The following MAP3K7CL variants were observed in gnomAD, a reference collection of about 807,000 sequenced individuals.
MAP3K7CL encodes MAP3K7 C-terminal-like protein.
MAP3K7CL carries 16 observed loss-of-function variants against 18.6 expected under a neutral mutation model. That is an observed-to-expected ratio of 0.86 (90% CI 0.58 to 1.31). The LOEUF is 1.31. MAP3K7CL is among the 50% of genes most tolerant of loss of function. The probability of loss-of-function intolerance (pLI) is 0.00; values close to 1 mark genes in which losing one functional copy is unlikely to be tolerated. For synonymous variants in MAP3K7CL, 65 were observed against 66.8 expected (o/e 0.97, Z 0.13); for missense variants, 163 against 174.4 (o/e 0.93, Z 0.37).
chr21:29,100,957 C>G (rs1318448833), intron 4 of MAP3K7CL, among the ~76,000 whole-genome samples: 1 of 151,424 alleles, frequency 6.6e-6, no homozygotes, highest in Admixed American at 6.6e-5. Context: ...CGTGATCCGC[C>G]CGCCTCGGCC....
chr21:29,165,227 A>AT, intron 4 of MAP3K7CL, among the ~76,000 whole-genome samples: 1 of 152,220 alleles, frequency 6.6e-6, no homozygotes, highest in Non-Finnish European at 1.5e-5. Context: ...GGTATGAAAT[A>AT]TTGTATTGGG....
At chr21:29,089,445 C>T (rs569450030) in intron 1 of MAP3K7CL, among the ~76,000 whole-genome samples, 60 of 152,122 alleles carry the variant, frequency 3.9e-4, no homozygotes, top group South Asian at 1.2e-3. Flanking sequence ...CGTATTTGTG[C>T]CCTTGTGAAC....
upstream of MAP3K7CL, among the ~76,000 whole-genome samples, chr21:29,083,950 TTATAA>T (rs1411264305): frequency 3.4e-5 from 5 of 147,548 alleles, no homozygotes; most frequent in African/African-American, 4.9e-5. Context: ...TCATTTAATA[TTATAA>T]TATATAATAT....
At position 29,125,049 on chromosome 21, in the gene MAP3K7CL, A is replaced by G. The variant is rs537701507; in HGVS notation, c.371-24140A>G. On this transcript the variant is annotated intron_variant, in intron 4 of 6. Transcript: ENST00000286791. ...CACAGCTTTTGAATGCAGCATCACA[A>G]TGCAAACCCAGGTCTTCTGAATCTA... 3.9e-5 allele frequency among the ~76,000 whole-genome samples: 6 copies of G among 152,328 alleles called. No individual in the cohort carries two copies. The East Asian group carries it at 7.7e-4, about 20-fold the overall frequency.
intron 4 of MAP3K7CL, among the ~76,000 whole-genome samples, chr21:29,162,546 AGTG>A (rs2087575846): frequency 2.0e-5 from 3 of 150,938 alleles, no homozygotes; most frequent in African/African-American, 7.3e-5. Context: ...AGCCTGGTGT[AGTG>A]GTGGGCGCAT....
chr21:29,112,212 C>T (rs1035309343), intron 4 of MAP3K7CL, among the ~76,000 whole-genome samples: 3 of 152,088 alleles, frequency 2.0e-5, no homozygotes, highest in African/African-American at 7.2e-5. Context: ...GCAAGGGAAT[C>T]GCTTGAACCC....
intron 4 of MAP3K7CL, among the ~76,000 whole-genome samples, chr21:29,161,383 C>A (rs918823383): frequency 1.3e-5 from 2 of 152,066 alleles, no homozygotes; most frequent in African/African-American, 4.8e-5. Context: ...CTTCTGACCT[C>A]AAGCAATCCT....
intron 4 of MAP3K7CL, among the ~76,000 whole-genome samples, chr21:29,096,091 T>A (rs1319609394): frequency 1.3e-5 from 2 of 152,238 alleles, no homozygotes; most frequent in Non-Finnish European, 2.9e-5. Context: ...AGTCACATTT[T>A]CAGCCTGGTA....
At chr21:29,088,703 G>T (rs1368028971) in intron 1 of MAP3K7CL, among the ~76,000 whole-genome samples, 1 of 152,168 alleles carries the variant, frequency 6.6e-6, no homozygotes, top group Non-Finnish European at 1.5e-5. Context: ...ATGAGTGTTG[G>T]TGACACAGGA....
chr21:29,166,107 C>T lies in MAP3K7CL; in HGVS notation c.248+6051C>T, dbSNP rs1178134459. On this transcript the variant is annotated intron_variant, in intron 4 of 4. Transcript: ENST00000399928. ...CAGGAGAACACCAGAAGTTATTCCT[C>T]CTGTCTAACTGTAACTATGTACTCA... is the stretch of plus-strand genomic sequence containing the variant. Among the ~76,000 whole-genome samples, 4 of 152,170 alleles carry T rather than the reference C, an allele frequency of 2.6e-5. 1 individual carries two copies. The highest frequency in any genetic ancestry group is 4.1e-4 in the South Asian group (2 of 4,822).
intron 4 of MAP3K7CL, among the ~76,000 whole-genome samples, chr21:29,174,331 G>A (rs2123265915): frequency 6.6e-6 from 1 of 152,320 alleles, no homozygotes; most frequent in African/African-American, 2.4e-5. Flanking sequence ...CAAAGACTCA[G>A]CCAAGAGAAA....
At chr21:29,164,531 CAGAGGA>C (rs2146743161) in intron 4 of MAP3K7CL, among the ~76,000 whole-genome samples, 1 of 152,328 alleles carries the variant, frequency 6.6e-6, no homozygotes, top group East Asian at 1.9e-4. Context: ...CTCTCATCTC[CAGAGGA>C]GGTCTCCCTG....
intron 1 of MAP3K7CL, among the ~76,000 whole-genome samples, chr21:29,079,874 C>T (rs976830825): frequency 5.9e-5 from 9 of 152,170 alleles, no homozygotes; most frequent in African/African-American, 1.7e-4. Context: ...TGCTTATTAC[C>T]ATTCTAAGAG....
Position 29,130,842 on chromosome 21 carries a change from GTC to G in MAP3K7CL, c.-117_-116del. 1 of 985,576 alleles carries G rather than the reference GTC, an allele frequency of 1.0e-6. No homozygotes were observed. Among genetic ancestry groups the G allele is most frequent in the Non-Finnish European group, 1.2e-6 (1 of 830,036 alleles). 61.1% of individuals were successfully genotyped at this position (985,576 alleles called of 1,614,324 possible). ...CAGGTGCAGCCTGGTCTCTCACTGA[GTC>G]TCTACTCCACAAAGGCAACGACTGG... On this transcript the variant is annotated 5_prime_UTR_variant, in exon 1 of 5. It removes the in-frame stop codon of an upstream open reading frame in the 5' UTR. Coordinates refer to ENST00000399928, the MANE Select transcript of MAP3K7CL (RefSeq NM_001286620.2).
intron 1 of MAP3K7CL, among the ~76,000 whole-genome samples, chr21:29,078,147 C>G (rs1465400441): frequency 6.6e-6 from 1 of 151,904 alleles, no homozygotes; most frequent in South Asian, 2.1e-4. Context: ...AACCTCCTGA[C>G]TTTTCTTTTT....
chr21:29,079,808 A>C (rs1207932398), intron 1 of MAP3K7CL, among the ~76,000 whole-genome samples: 1 of 152,206 alleles, frequency 6.6e-6, no homozygotes, highest in Admixed American at 6.5e-5. Context: ...GCTCCCTTAA[A>C]GTCTCTCCAG....
intron 4 of MAP3K7CL, among the ~76,000 whole-genome samples, chr21:29,108,640 C>T (rs532628270): frequency 6.6e-6 from 1 of 152,154 alleles, no homozygotes; most frequent in Non-Finnish European, 1.5e-5. Context: ...TATGTTTGGA[C>T]AAACCACTCC....
chr21:29,171,554 G>A (rs1276624986), intron 4 of MAP3K7CL, among the ~76,000 whole-genome samples: 1 of 152,082 alleles, frequency 6.6e-6, no homozygotes, highest in Non-Finnish European at 1.5e-5. Flanking sequence ...GGTGGTTCAC[G>A]CCTGTAATCC....
intron 4 of MAP3K7CL, among the ~76,000 whole-genome samples, chr21:29,122,411 C>A (rs190068247): frequency 1.6e-4 from 24 of 152,276 alleles, no homozygotes; most frequent in African/African-American, 5.8e-4. Flanking sequence ...CCCTCTGTAT[C>A]CTGAGCTCTC....
Sources: gnomAD v4.1 joint callset for allele counts (sites outside exome capture counted in the v4.1 genomes callset) on GRCh38, gnomAD v4.1.1 for gene constraint, MANE v1.5 for transcripts, NCBI Gene and HGNC (gene_info 2026-07-23, HGNC 2026-07-21) for gene names.